Variants in PTBP1 observed in about 807,000 individuals in gnomAD.
The protein encoded by PTBP1 is polypyrimidine tract-binding protein 1.
In PTBP1, 8 loss-of-function variants were observed where a neutral mutation model predicts 59.8. That is an observed-to-expected ratio of 0.13 (90% confidence interval 0.08 to 0.24). The LOEUF (loss-of-function observed/expected upper bound fraction) is 0.24. PTBP1 is among the 10% of genes least tolerant of loss of function. The pLI, the probability that PTBP1 is intolerant of heterozygous loss-of-function variation, is 1.00. For missense variants in PTBP1, 686 were observed against 767.0 expected (o/e 0.89, Z 1.25); for synonymous variants, 490 against 320.7 (o/e 1.53, Z -5.64).
At position 811,015 on chromosome 19, in the gene PTBP1, C is replaced by G; in HGVS notation, c.*189C>G. 1 of 591,832 alleles carries G rather than the reference C, an allele frequency of 1.7e-6. No homozygotes were observed. Among genetic ancestry groups the G allele is most frequent in the Non-Finnish European group, 2.7e-6 (1 of 370,676 alleles). The allele number at this position is 591,832 out of a possible 1,614,324, so 36.7% of individuals were successfully genotyped here. On this transcript the variant is annotated 3_prime_UTR_variant, in exon 15 of 15. Transcript: ENST00000356948. ...GCTCACCCTGCGGTGACAGGGACAG[C>G]TCAGGCTCTTGGTGACTGTGGCAGC...
chr19:806,655 G>A, intron 10 of PTBP1, 99 bp downstream of exon 10: 1 of 1,228,734 alleles, frequency 8.1e-7, no homozygotes, highest in Non-Finnish European at 1.1e-6. Context: ...GCCCCTCGCT[G>A]TGTCTGCGCC....
At chr19:804,987 A>AC in intron 7 of PTBP1, 26 bp from the exon 8 acceptor site, 2 of 1,612,114 alleles carry the variant, frequency 1.2e-6, no homozygotes, top group Non-Finnish European at 1.7e-6. Context: ...TGGCCCGGCG[A>AC]CGTCTCACGG....
rs749355679 is a variant in PTBP1 at position 804,782 on chromosome 19, C to T, written c.607-47C>T. The T allele has an allele frequency of 3.7e-6, 6 of 1,607,740 alleles. No homozygotes were observed. In the East Asian group the frequency reaches 8.9e-5, roughly 24 times the overall value. The stretch of plus-strand genomic sequence containing the variant: ...GGCACACGGGAGGGGCCTGGCAGGG[C>T]TGGTGGGCACCGGGCAGGAGCTCAT... On this transcript the variant is annotated intron_variant, in intron 6 of 14. Coordinates refer to ENST00000356948, the MANE Select transcript of PTBP1 (RefSeq NM_002819.5).
chr19:804,387 C>T lies in PTBP1; in HGVS notation c.384C>T (p.Ile128=). The change falls in exon 5 of 15, where the codon ATC becomes ATT. Residue 128 remains isoleucine (I), a synonymous_variant. Coordinates refer to ENST00000356948, the MANE Select transcript of PTBP1 (RefSeq NM_002819.5). ...TPVLRGQPIY[I]QFSNHKELKT... is the part of the protein sequence containing the mutation. ...TGCTGCGCGGCCAGCCCATCTACAT[C>T]CAGTTCTCCAACCACAAGGAGCTGA... 1 of 1,612,876 alleles carries T rather than the reference C, an allele frequency of 6.2e-7. No homozygotes were observed. Among genetic ancestry groups the T allele is most frequent in the Non-Finnish European group, 8.5e-7 (1 of 1,179,998 alleles).
intron 9 of PTBP1, 88 bp from the exon 10 acceptor site, chr19:806,320 C>A: frequency 1.4e-6 from 2 of 1,396,222 alleles, no homozygotes; most frequent in Non-Finnish European, 9.4e-7. Flanking sequence ...CTCGGCTCCT[C>A]GGTGCATGAG....
rs973632154 is a variant in PTBP1, at chr19:811,831, C to G, written c.*1005C>G. ...GCCTAGAAAACTTGCTCTCAAACTT[C>G]AGGGTTTTTTCTTCCTTCAAATTTT... On this transcript the variant is annotated 3_prime_UTR_variant, in exon 15 of 15. Coordinates refer to ENST00000356948, the MANE Select transcript of PTBP1 (RefSeq NM_002819.5). The G allele has an allele frequency of 2.0e-5, 3 of 152,608 alleles. No homozygotes were observed. Among genetic ancestry groups the G allele is most frequent in the East Asian group, 1.9e-4 (1 of 5,184 alleles). 9.5% of individuals were successfully genotyped at this position (152,608 alleles called of 1,614,324 possible).
intron 8 of PTBP1, 142 bp from the exon 9 acceptor site, chr19:805,350 C>T (rs1041318207): frequency 2.8e-5 from 33 of 1,186,768 alleles, no homozygotes; most frequent in East Asian, 4.7e-5. Context: ...GTCGGGACCA[C>T]GGCCCCCCCT....
At chr19:800,595 T>A (rs2034288659) in intron 2 of PTBP1, among the ~76,000 whole-genome samples, 1 of 152,230 alleles carries the variant, frequency 6.6e-6, no homozygotes, top group Non-Finnish European at 1.5e-5. Flanking sequence ...AGTTGGTTTC[T>A]GGTCAGTCAG....
intron 2 of PTBP1, among the ~76,000 whole-genome samples, chr19:800,132 G>T (rs1411171217): frequency 3.4e-5 from 5 of 148,038 alleles, no homozygotes; most frequent in Admixed American, 2.7e-4. Flanking sequence ...TAAAGATGGG[G>T]TTTCGAACAT....
In PTBP1 at chr19:811,391, TCCCCGCTGC is replaced by T. The variant is rs2034864581; in HGVS notation, c.*566_*574del. On this transcript the variant is annotated 3_prime_UTR_variant, in exon 15 of 15. Coordinates refer to ENST00000356948, the MANE Select transcript of PTBP1 (RefSeq NM_002819.5). The stretch of plus-strand genomic sequence containing the variant: ...CCTTCCCTTCTGCCCCCAGGCGGGC[TCCCCGCTGC>T]TCCAGCTGCGGAGCTGGTCGACATA... 6.6e-6 allele frequency: 1 copy of T among 152,436 alleles called. No homozygotes were observed. The highest frequency in any genetic ancestry group is 2.4e-5 in the African/African-American group (1 of 41,426). 9.4% of individuals were successfully genotyped at this position (152,436 alleles called of 1,614,324 possible). A position where few individuals can be genotyped will look rare whatever the true frequency, so the allele number is the denominator to read the frequency against.
In PTBP1 at chr19:804,453, G is replaced by C. The variant is rs554941884; in HGVS notation, c.435+15G>C. 4.4e-6 allele frequency: 7 copies of C among 1,607,726 alleles called. No homozygotes were observed. In the African/African-American group the frequency reaches 9.3e-5, roughly 21 times the overall value. On this transcript the variant is annotated intron_variant, in intron 5 of 14. Coordinates refer to ENST00000356948, the MANE Select transcript of PTBP1 (RefSeq NM_002819.5). ...CCAACCAGGCGGTGCGTGGCCCCGC[G>C]GCGGACCCCAGCAGCCCGGGGACCT... is the stretch of plus-strand genomic sequence containing the variant.
In PTBP1 at chr19:808,592, C is replaced by T; in HGVS notation, c.1293C>T (p.Arg431=). 2 of 1,607,454 alleles carry T rather than the reference C, an allele frequency of 1.2e-6. No individual in the cohort carries two copies. Among genetic ancestry groups the T allele is most frequent in the Non-Finnish European group, 1.7e-6 (2 of 1,178,324 alleles). Residue 431 remains arginine, a synonymous_variant, in exon 13 of 15, where the codon CGC becomes CGT. Coordinates refer to ENST00000356948, the MANE Select transcript of PTBP1 (RefSeq NM_002819.5). The surrounding 1 kb of genome is among the most constrained non-coding windows in gnomAD (Gnocchi z 4.7). ...NGHKLHGKPI[R]ITLSKHQNVQ... is the part of the protein sequence containing the mutation. ...ACAAGCTGCACGGGAAGCCCATCCG[C>T]ATCACGCTCTCGAAGCACCAGAACG... is the stretch of plus-strand genomic sequence containing the variant.
chr19:798,518 C>T (rs2034183076), intron 1 of PTBP1: 1 of 152,318 alleles, frequency 6.6e-6, no homozygotes, highest in African/African-American at 2.4e-5. Context: ...TAGAGTGGGT[C>T]TGGACCCCTT....
chr19:804,501 G>A, intron 5 of PTBP1, 31 bp from the exon 6 acceptor site: 2 of 1,595,018 alleles, frequency 1.3e-6, no homozygotes, highest in Non-Finnish European at 1.7e-6. Context: ...CAGCCGCAGG[G>A]GCCGGGGACT....
chr19:799,331 TCTCCTGGCCCGGGGACAGCTGGGTG>T, intron 1 of PTBP1, 57 bp from the exon 2 acceptor site: 1 of 1,320,184 alleles, frequency 7.6e-7, no homozygotes, highest in Admixed American at 1.7e-5. Context: ...ACCTACGGGC[TCTCCTGGCCCGGGGACAGCTGGGTG>T]CTCCTGCTGC....
intron 1 of PTBP1, among the ~76,000 whole-genome samples, chr19:798,721 TG>T (rs1047602032): frequency 1.1e-3 from 171 of 152,198 alleles, no homozygotes; most frequent in African/African-American, 3.9e-3. Context: ...GGAGAAGCCG[TG>T]GGGAGCTCAC....
Position 803,616 on chromosome 19 carries a change from G to A in PTBP1, c.95G>A (p.Ser32Asn). The A allele has an allele frequency of 3.1e-6, 5 of 1,614,178 alleles. No homozygotes were observed. Among genetic ancestry groups the A allele is most frequent in the Non-Finnish European group, 4.2e-6 (5 of 1,180,016 alleles). The part of the protein sequence containing the change: ...TCVTNGPFIM[S>N]SNSASAANGN... ...GTCACTAACGGACCGTTTATCATGA[G>A]CAGCAACTCGGCTTCTGCAGGTAAG... Residue 32 changes from serine to asparagine, a missense_variant, in exon 3 of 15, where the codon AGC (serine) becomes AAC (asparagine). Physicochemically the swap from Ser to Asn is conservative, Grantham distance 46 (BLOSUM62 1). Transcript: ENST00000356948.
chr19:799,399 C>G lies in PTBP1; in HGVS notation c.9-14C>G, dbSNP rs745871393. 1.2e-6 allele frequency: 2 copies of G among 1,613,792 alleles called. No homozygotes were observed. Among genetic ancestry groups the G allele is most frequent in the Admixed American group, 1.7e-5 (1 of 60,028 alleles). On this transcript the variant is annotated splice_polypyrimidine_tract_variant and intron_variant, in intron 1 of 14. Transcript: ENST00000356948. Reference sequence around the variant, plus strand: ...CCACCAGGCTAACGTTGTCTCCTTTCTTTCTCTCTACAGCATTGTCCCAGA... The same window carrying G: ...CCACCAGGCTAACGTTGTCTCCTTTGTTTCTCTCTACAGCATTGTCCCAGA...
Position 806,499 on chromosome 19 carries a change from C to T in PTBP1, c.1062C>T (p.Ile354=), listed in dbSNP as rs1285310678. The T allele has an allele frequency of 8.9e-6, 14 of 1,577,896 alleles. No individual in the cohort carries two copies. The highest frequency in any genetic ancestry group is 1.1e-5 in the South Asian group (1 of 87,936). The stretch of plus-strand genomic sequence containing the variant: ...CTGCGGCGGCAGGTCGGATCGCCAT[C>T]CCGGGCCTGGCGGGGGCAGGAAATT... The part of the protein sequence containing the change: ...AAAAAAGRIA[I]PGLAGAGNSV... Residue 354 remains isoleucine, a synonymous_variant, in exon 10 of 15, where the codon ATC becomes ATT. Coordinates refer to ENST00000356948, the MANE Select transcript of PTBP1 (RefSeq NM_002819.5).
Sources: allele counts gnomAD v4.1 joint callset (sites outside exome capture counted in the v4.1 genomes callset), GRCh38; gene constraint gnomAD v4.1.1; non-coding constraint Gnocchi (gnomAD v3.1); transcripts MANE v1.5; gene names NCBI Gene and HGNC (gene_info 2026-07-23, HGNC 2026-07-21).